The following ASB3 variants were observed in gnomAD, a reference collection of about 807,000 sequenced individuals.
ASB3 encodes the protein ankyrin repeat and SOCS box protein 3.
A neutral mutation model predicts 54.5 loss-of-function variants in ASB3; 41 were observed. That is an observed-to-expected ratio of 0.75 (90% confidence interval 0.59 to 0.98). The LOEUF is 0.98. ASB3 is among the 50% of genes least tolerant of loss of function. The pLI, the probability that ASB3 is intolerant of heterozygous loss-of-function variation, is 0.00. For missense variants in ASB3, 733 were observed against 620.0 expected (o/e 1.18, Z -1.94); for synonymous variants, 266 against 221.2 (o/e 1.20, Z -1.80).
intron 3 of ASB3, among the ~76,000 whole-genome samples, chr2:53,749,457 C>G (rs1672403120): frequency 6.6e-6 from 1 of 151,838 alleles, no homozygotes; most frequent in South Asian, 2.1e-4. Flanking sequence ...AGTATTAACC[C>G]AAGAGAAATA....
chr2:53,681,716 A>G (rs140663388), intron 9 of ASB3, among the ~76,000 whole-genome samples: 51 of 152,106 alleles, frequency 3.4e-4, no homozygotes, highest in African/African-American at 1.1e-3. Flanking sequence ...TCATTGGTCT[A>G]TGTGTCTGTG....
At chr2:53,766,824 T>G (rs567536340) in intron 1 of ASB3, among the ~76,000 whole-genome samples, 4 of 152,336 alleles carry the variant, frequency 2.6e-5, no homozygotes, top group Non-Finnish European at 5.9e-5. Context: ...AGCAGCTTCC[T>G]GCTGATTTCT....
chr2:53,716,457 G>T (rs1012784613), intron 6 of ASB3, 109 bp downstream of exon 6: 24 of 1,356,968 alleles, frequency 1.8e-5, no homozygotes, highest in Admixed American at 1.6e-4. Context: ...AGATTGGTAG[G>T]GAAGAGAATA....
chr2:53,673,183 T>G (rs1667908813), intron 9 of ASB3, among the ~76,000 whole-genome samples: 1 of 152,208 alleles, frequency 6.6e-6, no homozygotes, highest in Admixed American at 6.5e-5. Flanking sequence ...AAAGAGAATT[T>G]CTACTTATAT....
intron 7 of ASB3, among the ~76,000 whole-genome samples, chr2:53,710,248 G>C (rs910409218): frequency 1.3e-5 from 2 of 152,142 alleles, no homozygotes; most frequent in African/African-American, 4.8e-5. Context: ...AATTTCTAAT[G>C]GTTTACTTTC....
chr2:53,738,282 C>A (rs1168072604), intron 3 of ASB3, among the ~76,000 whole-genome samples: 1 of 152,160 alleles, frequency 6.6e-6, no homozygotes, highest in African/African-American at 2.4e-5. Context: ...TCTAGGACCA[C>A]ATGTTAGGGC....
chr2:53,773,255 G>A (rs913178275), intron 1 of ASB3, among the ~76,000 whole-genome samples: 13 of 150,892 alleles, frequency 8.6e-5, no homozygotes, highest in African/African-American at 3.2e-4. Context: ...TTTCATTTCA[G>A]TCCCGTTATT....
intron 3 of ASB3, chr2:53,748,312 G>C (rs1161450966): frequency 2.0e-5 from 3 of 152,128 alleles, no homozygotes; most frequent in African/African-American, 7.2e-5. Flanking sequence ...ACGATTTCTT[G>C]AGGAAAGCGG....
Position 53,765,561 on chromosome 2 carries a change from T to G in ASB3, c.12A>C (p.Thr4=). The G allele has an allele frequency of 3.1e-6, 5 of 1,614,240 alleles. No individual in the cohort carries two copies. Among genetic ancestry groups the G allele is most frequent in the Non-Finnish European group, 4.2e-6 (5 of 1,180,042 alleles). Residue 4 remains threonine, a synonymous_variant, in exon 2 of 10, where the codon ACA becomes ACC. Coordinates refer to ENST00000263634, the MANE Select transcript of ASB3 (RefSeq NM_016115.5). Reference sequence around the variant, plus strand: ...TAGAGCACGTGTCCGCGTAAGCCTCTGTAAAATCCATTTGTTTGACCAGTC... The same window carrying G: ...TAGAGCACGTGTCCGCGTAAGCCTCGGTAAAATCCATTTGTTTGACCAGTC... MDF[T]EAYADTCSTV...
At chr2:53,701,116 G>C (rs1426299872) in intron 7 of ASB3, among the ~76,000 whole-genome samples, 2 of 152,144 alleles carry the variant, frequency 1.3e-5, no homozygotes, top group Non-Finnish European at 2.9e-5. Flanking sequence ...TGGGACTACA[G>C]CTACATGCCA....
intron 1 of ASB3, among the ~76,000 whole-genome samples, chr2:53,769,273 G>A (rs1673720837): frequency 6.6e-6 from 1 of 152,230 alleles, no homozygotes; most frequent in African/African-American, 2.4e-5. Flanking sequence ...CACTTCGGAA[G>A]TTTGAGCCAG....
At chr2:53,709,931 T>C (rs1179775944) in intron 7 of ASB3, among the ~76,000 whole-genome samples, 1 of 152,168 alleles carries the variant, frequency 6.6e-6, no homozygotes, top group Non-Finnish European at 1.5e-5. Context: ...GCCATGAGGA[T>C]ACTGCAGCCG....
intron 3 of ASB3, among the ~76,000 whole-genome samples, chr2:53,730,472 T>C (rs1160157958): frequency 1.3e-5 from 2 of 152,204 alleles, no homozygotes; most frequent in African/African-American, 4.8e-5. Flanking sequence ...GTTGATTTCA[T>C]GTCTTGGTGA....
At chr2:53,714,760 G>C (rs1211384769) in intron 6 of ASB3, among the ~76,000 whole-genome samples, 179 bp from the exon 7 acceptor site, 1 of 152,000 alleles carries the variant, frequency 6.6e-6, no homozygotes, top group African/African-American at 2.4e-5. Flanking sequence ...ATTTACTCCA[G>C]AATGTTACAC....
At chr2:53,740,416 AT>A (rs1031424751) in intron 3 of ASB3, among the ~76,000 whole-genome samples, 2 of 151,698 alleles carry the variant, frequency 1.3e-5, no homozygotes, top group African/African-American at 4.8e-5. Context: ...TGACAAAGGA[AT>A]TTTTTTTTCC....
chr2:53,717,402 A>G (rs1447509161), intron 5 of ASB3, among the ~76,000 whole-genome samples: 1 of 152,198 alleles, frequency 6.6e-6, no homozygotes, highest in Non-Finnish European at 1.5e-5. Context: ...CTCTTTCTTC[A>G]TAACCACTGC....
intron 5 of ASB3, among the ~76,000 whole-genome samples, chr2:53,720,865 G>A (rs937121968): frequency 1.1e-4 from 16 of 151,898 alleles, no homozygotes; most frequent in African/African-American, 3.9e-4. Context: ...TTAAAAAACT[G>A]ATTCACTTGT....
intron 7 of ASB3, among the ~76,000 whole-genome samples, chr2:53,705,869 C>G (rs759688731): frequency 6.6e-6 from 1 of 152,000 alleles, no homozygotes; most frequent in Admixed American, 6.6e-5. Flanking sequence ...AAGCTAGTTG[C>G]CCAGAGAGGG....
chr2:53,764,573 C>T (rs966223298), intron 2 of ASB3, among the ~76,000 whole-genome samples: 3 of 152,312 alleles, frequency 2.0e-5, no homozygotes, highest in African/African-American at 7.2e-5. Context: ...CCCCTCTATA[C>T]TAAATGTCAG....
Sources: allele counts gnomAD v4.1 joint callset (sites outside exome capture counted in the v4.1 genomes callset), GRCh38; gene constraint gnomAD v4.1.1; transcripts MANE v1.5; gene names NCBI Gene and HGNC (gene_info 2026-07-23, HGNC 2026-07-21).